Variants in CCDC138 observed in about 807,000 individuals in gnomAD.
The protein encoded by CCDC138 is coiled-coil domain containing 138, also known as coiled-coil domain-containing protein 138.
Under a neutral mutation model 82.3 loss-of-function variants are expected in CCDC138, and 66 were observed. That is an observed-to-expected ratio of 0.80 (90% CI 0.66 to 0.98). CCDC138 has a LOEUF of 0.98. Among genes scored for constraint, CCDC138 ranks in the 50% least tolerant of loss-of-function variants. The probability of loss-of-function intolerance (pLI) is 0.00; values close to 1 mark genes in which losing one functional copy is unlikely to be tolerated. For synonymous variants in CCDC138, 297 were observed against 265.4 expected (o/e 1.12, Z -1.16); for missense variants, 816 against 758.9 (o/e 1.08, Z -0.88).
chr2:108,866,241 TG>T (rs759846077), intron 13 of CCDC138, among the ~76,000 whole-genome samples: 6 of 152,356 alleles, frequency 3.9e-5, no homozygotes, highest in Non-Finnish European at 7.3e-5. Flanking sequence ...TCATCCCTTC[TG>T]CCTCCCTTTT....
In CCDC138 at chr2:108,821,085, C is replaced by T. The variant is rs978259435; in HGVS notation, c.1206+4980C>T. 1.1e-4 allele frequency among the ~76,000 whole-genome samples: 17 copies of T among 152,194 alleles called. No individual in the cohort carries two copies. The South Asian group carries it at 1.2e-3, about 11-fold the overall frequency. ...TAAAGATATAATTTGTGGCCGGGTGCGGTGGCTCACGCCTGTAATCCTAGC... is the reference window on the plus strand; with the variant it reads ...TAAAGATATAATTTGTGGCCGGGTGTGGTGGCTCACGCCTGTAATCCTAGC... On this transcript the variant is annotated intron_variant, in intron 10 of 14. Transcript: ENST00000295124.
chr2:108,831,744 C>G (rs1198501872), intron 10 of CCDC138, among the ~76,000 whole-genome samples: 1 of 151,928 alleles, frequency 6.6e-6, no homozygotes, highest in African/African-American at 2.4e-5. Context: ...TTCCGTCCTT[C>G]CTGTTGAAAC....
intron 13 of CCDC138, among the ~76,000 whole-genome samples, chr2:108,870,629 C>CG (rs1695085202): frequency 1.3e-5 from 2 of 152,136 alleles, no homozygotes; most frequent in South Asian, 4.1e-4. Flanking sequence ...TATGTACATA[C>CG]GGTAGACTAT....
chr2:108,805,270 C>G (rs1399877493), intron 7 of CCDC138, among the ~76,000 whole-genome samples: 1 of 152,122 alleles, frequency 6.6e-6, no homozygotes, highest in African/African-American at 2.4e-5. Context: ...TTTTTAGGTA[C>G]TGATCTCTGG....
At chr2:108,830,312 A>G (rs774279718) in intron 10 of CCDC138, among the ~76,000 whole-genome samples, 1 of 152,226 alleles carries the variant, frequency 6.6e-6, no homozygotes, top group Non-Finnish European at 1.5e-5. Flanking sequence ...GGCATTTTGC[A>G]AAAGTTTTGG....
intron 7 of CCDC138, among the ~76,000 whole-genome samples, chr2:108,811,736 A>G (rs1381389329): frequency 6.6e-6 from 1 of 152,138 alleles, no homozygotes; most frequent in African/African-American, 2.4e-5. Flanking sequence ...CATTGTACCC[A>G]GTAGGTTAAT....
chr2:108,821,669 G>A (rs1283002805), intron 10 of CCDC138, among the ~76,000 whole-genome samples: 1 of 152,126 alleles, frequency 6.6e-6, no homozygotes, highest in African/African-American at 2.4e-5. Flanking sequence ...TCCTGGCCGA[G>A]TGTGGTGCCT....
chr2:108,880,543 ACT>A (rs1287736578), downstream of CCDC138, among the ~76,000 whole-genome samples: 5 of 151,996 alleles, frequency 3.3e-5, no homozygotes, highest in African/African-American at 1.2e-4. Flanking sequence ...GGACAGGCTG[ACT>A]CTCTTGTTAG....
chr2:108,827,132 A>C (rs973468606), intron 10 of CCDC138, among the ~76,000 whole-genome samples: 1 of 152,218 alleles, frequency 6.6e-6, no homozygotes, highest in African/African-American at 2.4e-5. Context: ...ATTATTCTAA[A>C]GCAAAATGAT....
chr2:108,844,748 ATTT>A (rs558837577), intron 11 of CCDC138, among the ~76,000 whole-genome samples: 1 of 136,710 alleles, frequency 7.3e-6, no homozygotes, highest in Non-Finnish European at 1.6e-5. Flanking sequence ...TACTATCCAC[ATTT>A]TTTTTTTTTT....
chr2:108,883,247 C>T (rs376904912), intron 2 of CCDC138: 2 of 152,262 alleles, frequency 1.3e-5, no homozygotes. Context: ...CATGGCAAAT[C>T]TGTAGCACCC....
chr2:108,870,534 A>G (rs187690597), intron 13 of CCDC138, among the ~76,000 whole-genome samples: 7 of 152,354 alleles, frequency 4.6e-5, no homozygotes, highest in East Asian at 3.9e-4. Context: ...TGATAAACCC[A>G]GAGTCCGACA....
intron 1 of CCDC138, 81 bp downstream of exon 1, chr2:108,786,996 G>C: frequency 2.0e-6 from 2 of 977,538 alleles, no homozygotes; most frequent in Non-Finnish European, 2.8e-6. Flanking sequence ...AGCCGGCCTG[G>C]GGGCGCGCAG....
chr2:108,811,636 A>G (rs1683890198), intron 7 of CCDC138, among the ~76,000 whole-genome samples: 1 of 152,102 alleles, frequency 6.6e-6, no homozygotes, highest in Non-Finnish European at 1.5e-5. Flanking sequence ...TTTTAGATTC[A>G]GAGGGTACAT....
intron 11 of CCDC138, among the ~76,000 whole-genome samples, chr2:108,845,869 C>G (rs745699562): frequency 6.6e-6 from 1 of 152,144 alleles, no homozygotes; most frequent in Non-Finnish European, 1.5e-5. Context: ...CCGCGCCCAG[C>G]CTCATTTTAT....
At chr2:108,793,418 T>C (rs1680276671) in intron 4 of CCDC138, among the ~76,000 whole-genome samples, 1 of 152,066 alleles carries the variant, frequency 6.6e-6, no homozygotes, top group South Asian at 2.1e-4. Flanking sequence ...ATTCTGACAG[T>C]ATAGTGCTGG....
Position 108,857,049 on chromosome 2 carries a change from C to G in CCDC138, c.1693+79C>G, listed in dbSNP as rs1248215537. The G allele has an allele frequency of 2.5e-5, 8 of 326,410 alleles. No homozygotes were observed. The East Asian group carries it at 6.5e-4, about 26-fold the overall frequency. 20.2% of individuals were successfully genotyped at this position (326,410 alleles called of 1,614,324 possible). A position where few individuals can be genotyped will look rare whatever the true frequency, so the allele number is the denominator to read the frequency against. On this transcript the variant is annotated intron_variant, in intron 13 of 14. Coordinates refer to ENST00000295124, the MANE Select transcript of CCDC138 (RefSeq NM_144978.3). ...TATCTTGTCTGCATGTATAACTCCA[C>G]ATATCAGATACTATTGCTTTTTTTT... is the stretch of plus-strand genomic sequence containing the variant.
rs1408854191 is a variant in CCDC138, at chr2:108,875,314, TATA to T, written c.1833-769_1833-767del. ...TGCACATGTACCCTAAAACTTAAAG[TATA>T]ATAAAAAAAAAAAAAAAAAGAAACA... On this transcript the variant is annotated intron_variant, in intron 14 of 14. Coordinates refer to ENST00000295124, the MANE Select transcript of CCDC138 (RefSeq NM_144978.3). Among the ~76,000 whole-genome samples, 172 of 27,928 alleles carry T rather than the reference TATA, an allele frequency of 6.2e-3. 10 individuals carry two copies. The highest frequency in any genetic ancestry group is 0.024 in the African/African-American group (156 of 6,590). The allele number at this position is 27,928 out of a possible 152,430, so 18.3% of individuals were successfully genotyped here.
chr2:108,800,638 TAA>T (rs1558980849), intron 6 of CCDC138, among the ~76,000 whole-genome samples: 74 of 73,658 alleles, frequency 1.0e-3, no homozygotes, highest in Middle Eastern at 0.012. Context: ...TTTTTTTTTT[TAA>T]TTATACTTTA....
Sources: gnomAD v4.1 joint callset for allele counts (sites outside exome capture counted in the v4.1 genomes callset) on GRCh38, gnomAD v4.1.1 for gene constraint, MANE v1.5 for transcripts, NCBI Gene and HGNC (gene_info 2026-07-23, HGNC 2026-07-21) for gene names.